ZFAND6: variants seen among roughly 807,000 people sequenced by gnomAD.
ZFAND6 encodes AN1-type zinc finger protein 6.
ZFAND6 carries 12 observed loss-of-function variants against 24.5 expected under a neutral mutation model. The observed-to-expected ratio is 0.49, with a 90% CI of 0.31 to 0.79. The LOEUF (loss-of-function observed/expected upper bound fraction) is 0.79. Among genes scored for constraint, ZFAND6 ranks in the 30% least tolerant of loss-of-function variants. The pLI is 0.04. For missense variants in ZFAND6, 207 were observed against 245.9 expected, an observed-to-expected ratio of 0.84 and a Z score of 1.06; for synonymous variants, 92 against 81.5, an observed-to-expected ratio of 1.13 and a Z score of -0.69.
At chr15:80,130,069 T>C (rs1034216169) in intron 5 of ZFAND6, 4 of 152,110 alleles carry the variant, frequency 2.6e-5, no homozygotes, top group African/African-American at 7.2e-5. Flanking sequence ...TTGGGAGCCA[T>C]TGAGGAATTC....
chr15:80,068,737 C>T (rs916553911), intron 1 of ZFAND6, among the ~76,000 whole-genome samples: 9 of 152,160 alleles, frequency 5.9e-5, no homozygotes, highest in Non-Finnish European at 7.4e-5. Flanking sequence ...GGATTACAGG[C>T]GTGAGCCACC....
intron 1 of ZFAND6, among the ~76,000 whole-genome samples, chr15:80,093,207 C>T (rs145495896): frequency 0.011 from 1,628 of 151,768 alleles, 37 homozygotes; most frequent in African/African-American, 0.034. Context: ...CCTCGTGATC[C>T]GCCTGCCTCG....
At chr15:80,060,439 TAAA>T (rs1442257637) in intron 1 of ZFAND6, 2 of 152,190 alleles carry the variant, frequency 1.3e-5, no homozygotes, top group African/African-American at 4.8e-5. Flanking sequence ...TTTAGCTACC[TAAA>T]AAAGTATGAA....
rs555621084 is a variant in ZFAND6 at position 80,092,397 on chromosome 15, C to A, written c.-180-6019C>A. Reference sequence around the variant, plus strand: ...GTTGCAGTGAGCCAAGATCGTGCCACTGCACTCTAGTCCGGGCGACAGAGT... The same window carrying A: ...GTTGCAGTGAGCCAAGATCGTGCCAATGCACTCTAGTCCGGGCGACAGAGT... On this transcript the variant is annotated intron_variant, in intron 1 of 6. Coordinates refer to ENST00000261749, the MANE Select transcript of ZFAND6 (RefSeq NM_019006.4). Among the ~76,000 whole-genome samples the A allele has an allele frequency of 1.2e-4, 18 of 151,624 alleles. No homozygotes were observed. In the East Asian group the frequency reaches 3.5e-3, roughly 29 times the overall value.
intron 2 of ZFAND6, chr15:80,111,368 C>T: frequency 5.2e-6 from 2 of 384,642 alleles, no homozygotes; most frequent in South Asian, 3.9e-5. Flanking sequence ...GGGTTCTTAA[C>T]TCTTGCAGTC....
chr15:80,128,164 A>C (rs1203211159), intron 5 of ZFAND6, among the ~76,000 whole-genome samples: 1 of 152,248 alleles, frequency 6.6e-6, no homozygotes, highest in East Asian at 1.9e-4. Context: ...GGTTGCCAGA[A>C]ACCGTGGGAA....
intron 1 of ZFAND6, chr15:80,073,283 A>AT (rs2037079313): frequency 5.9e-6 from 2 of 336,564 alleles, no homozygotes; most frequent in Non-Finnish European, 1.2e-5. Flanking sequence ...TAAGTAATTA[A>AT]CATTTCGAAA....
intron 2 of ZFAND6, among the ~76,000 whole-genome samples, chr15:80,107,322 GACT>G (rs1360138894): frequency 6.6e-6 from 1 of 152,108 alleles, no homozygotes; most frequent in Non-Finnish European, 1.5e-5. Context: ...TGAATATAAT[GACT>G]ACTATTAGGT....
chr15:80,096,888 A>T (rs2038754904), intron 1 of ZFAND6, among the ~76,000 whole-genome samples: 1 of 152,320 alleles, frequency 6.6e-6, no homozygotes, highest in South Asian at 2.1e-4. Flanking sequence ...CAGTTGTATT[A>T]AAAAATGCAG....
intron 1 of ZFAND6, among the ~76,000 whole-genome samples, chr15:80,067,454 T>G (rs1056632378): frequency 6.6e-6 from 1 of 152,220 alleles, no homozygotes; most frequent in Admixed American, 6.5e-5. Flanking sequence ...GGGCTCATTT[T>G]ATATTGGGCT....
rs554470225 is a variant in ZFAND6 at position 80,071,139 on chromosome 15, T to C, written c.-181+11330T>C. Among the ~76,000 whole-genome samples the C allele has an allele frequency of 2.0e-5, 3 of 152,372 alleles. No homozygotes were observed. In the South Asian group the frequency reaches 6.2e-4, roughly 32 times the overall value. ...CCATATTCATGCCTAGTTGCAATTA[T>C]GTGAATTTTCAGTTTGTTACAAAGA... On this transcript the variant is annotated intron_variant, in intron 1 of 6. Coordinates refer to ENST00000261749, the MANE Select transcript of ZFAND6 (RefSeq NM_019006.4).
intron 2 of ZFAND6, among the ~76,000 whole-genome samples, chr15:80,107,481 C>T (rs926462978): frequency 6.6e-6 from 1 of 152,036 alleles, no homozygotes; most frequent in Admixed American, 6.5e-5. Flanking sequence ...TTTACACTGC[C>T]AATGCAAATG....
chr15:80,117,439 G>A lies in ZFAND6; in HGVS notation c.-17-2889G>A, dbSNP rs1050766962. On this transcript the variant is annotated intron_variant, in intron 2 of 6. Transcript: ENST00000261749. ...GGGTTTCAATGTCTTAGCCAGGATG[G>A]CCTCTATCTCCAGACCTCGTGATCC... is the stretch of plus-strand genomic sequence containing the variant. Among the ~76,000 whole-genome samples the A allele has an allele frequency of 2.0e-5, 3 of 152,240 alleles. No homozygotes were observed. In the East Asian group the frequency reaches 5.8e-4, roughly 29 times the overall value.
chr15:80,061,177 T>A (rs1447056361), intron 1 of ZFAND6, among the ~76,000 whole-genome samples: 1 of 152,204 alleles, frequency 6.6e-6, no homozygotes, highest in African/African-American at 2.4e-5. Flanking sequence ...TTATTTTTAC[T>A]TTTTTACGTT....
chr15:80,135,796 C>T (rs537441099), intron 6 of ZFAND6, among the ~76,000 whole-genome samples: 3 of 151,890 alleles, frequency 2.0e-5, no homozygotes, highest in Non-Finnish European at 4.4e-5. Flanking sequence ...AAAGATGTTT[C>T]AGATTTGCCC....
intron 1 of ZFAND6, among the ~76,000 whole-genome samples, chr15:80,063,847 G>T (rs980091049): frequency 6.6e-6 from 1 of 152,042 alleles, no homozygotes; most frequent in African/African-American, 2.4e-5. Flanking sequence ...CACTGCACCC[G>T]GCCTAAATTT....
Position 80,130,932 on chromosome 15 carries a change from C to G in ZFAND6, c.365-248C>G, listed in dbSNP as rs3784762. On this transcript the variant is annotated intron_variant, in intron 5 of 6. Coordinates refer to ENST00000261749, the MANE Select transcript of ZFAND6 (RefSeq NM_019006.4). ...AAAAATTAGAAAGTACAGTTAAAACCTAAAGAAAGTCTATAAAACCACTGT... is the reference window on the plus strand; with the variant it reads ...AAAAATTAGAAAGTACAGTTAAAACGTAAAGAAAGTCTATAAAACCACTGT... 364 of 382,210 alleles carry G rather than the reference C, an allele frequency of 9.5e-4. 2 individuals are homozygous for G. The East Asian group carries it at 0.012, about 13-fold the overall frequency. The allele number at this position is 382,210 out of a possible 1,614,324, so 23.7% of individuals were successfully genotyped here. A position where few individuals can be genotyped will look rare whatever the true frequency, so the allele number is the denominator to read the frequency against.
intron 1 of ZFAND6, among the ~76,000 whole-genome samples, chr15:80,076,579 T>G (rs2037292453): frequency 6.6e-6 from 1 of 152,236 alleles, no homozygotes; most frequent in South Asian, 2.1e-4. Context: ...CAGCTGATTC[T>G]GTGCTAAACA....
At chr15:80,119,078 A>G (rs1321102502) in intron 2 of ZFAND6, among the ~76,000 whole-genome samples, 1 of 125,866 alleles carries the variant, frequency 7.9e-6, no homozygotes. Context: ...TTGTTTTTTA[A>G]TAAGAAAGAG....
Sources: gnomAD v4.1 joint callset for allele counts (sites outside exome capture counted in the v4.1 genomes callset) on GRCh38, gnomAD v4.1.1 for gene constraint, MANE v1.5 for transcripts, NCBI Gene and HGNC (gene_info 2026-07-23, HGNC 2026-07-21) for gene names.